GALNT13: variants seen among roughly 807,000 people sequenced by gnomAD.
GALNT13 encodes the protein polypeptide N-acetylgalactosaminyltransferase 13, also known as UDP-GalNAc:polypeptide N-acetylgalactosaminyltransferase 13.
GALNT13 carries 28 observed loss-of-function variants against 64.2 expected under a neutral mutation model. That is an observed-to-expected ratio of 0.44 (90% CI 0.32 to 0.60). The LOEUF (loss-of-function observed/expected upper bound fraction) is 0.60. Ranked by LOEUF, GALNT13 falls within the 20% of genes least tolerant of loss-of-function variation. The pLI, the probability that GALNT13 is intolerant of heterozygous loss-of-function variation, is 0.05. For synonymous variants in GALNT13, 214 were observed against 224.6 expected (o/e 0.95, Z 0.42); for missense variants, 577 against 669.8 (o/e 0.86, Z 1.53).
intron 2 of GALNT13, among the ~76,000 whole-genome samples, chr2:153,936,802 T>G (rs1054449918): frequency 6.6e-6 from 1 of 151,752 alleles, no homozygotes; most frequent in Non-Finnish European, 1.5e-5. Flanking sequence ...CTCACTGCCA[T>G]CTCCACCTCC....
At chr2:153,809,092 TTC>T in the GALNT13 span, among the ~76,000 whole-genome samples, 1 of 152,168 alleles carries the variant, frequency 6.6e-6, no homozygotes, top group Non-Finnish European at 1.5e-5. Flanking sequence ...CTCTCATATT[TTC>T]TCTCTCTCAA....
At chr2:153,479,778 T>C in the GALNT13 span, among the ~76,000 whole-genome samples, 1 of 152,214 alleles carries the variant, frequency 6.6e-6, no homozygotes, top group Non-Finnish European at 1.5e-5. Context: ...CAGATGTTTT[T>C]ATAGGCCTGA....
intron 4 of GALNT13, among the ~76,000 whole-genome samples, chr2:154,142,862 G>A (rs1262453211): frequency 6.6e-6 from 1 of 151,528 alleles, no homozygotes; most frequent in Admixed American, 6.6e-5. Flanking sequence ...ATATTTGTTT[G>A]TATATAGATA....
At chr2:153,989,964 A>G (rs546431807) in intron 3 of GALNT13, among the ~76,000 whole-genome samples, 13 of 152,238 alleles carry the variant, frequency 8.5e-5, no homozygotes, top group African/African-American at 3.1e-4. Context: ...AAAAGGATCA[A>G]CAACATATGA....
the GALNT13 span, among the ~76,000 whole-genome samples, chr2:153,671,476 A>C: frequency 1.3e-5 from 2 of 152,188 alleles, no homozygotes; most frequent in Non-Finnish European, 2.9e-5. Context: ...AGGAGAAATA[A>C]AATCCTTTAC....
At chr2:153,482,015 T>C in the GALNT13 span, among the ~76,000 whole-genome samples, 1 of 152,170 alleles carries the variant, frequency 6.6e-6, no homozygotes, top group Non-Finnish European at 1.5e-5. Context: ...GCAGATTCCA[T>C]AGCCAAAACA....
chr2:153,619,274 A>C, the GALNT13 span, among the ~76,000 whole-genome samples: 3 of 152,012 alleles, frequency 2.0e-5, no homozygotes. Context: ...ACCTAACACT[A>C]TTTGCTTAAA....
chr2:153,279,437 C>T, the GALNT13 span, among the ~76,000 whole-genome samples: 4 of 152,036 alleles, frequency 2.6e-5, no homozygotes, highest in African/African-American at 9.7e-5. Context: ...TGTCTTGTTC[C>T]AGTTCTCAAA....
the GALNT13 span, among the ~76,000 whole-genome samples, chr2:153,833,369 A>G: frequency 6.6e-6 from 1 of 152,142 alleles, no homozygotes; most frequent in African/African-American, 2.4e-5. Context: ...GAGGTTGCTA[A>G]GATCTACAGT....
chr2:153,422,899 C>A, the GALNT13 span, among the ~76,000 whole-genome samples: 1 of 151,700 alleles, frequency 6.6e-6, no homozygotes, highest in East Asian at 1.9e-4. Context: ...AAGAAAAAAA[C>A]ATGTATTTTA....
chr2:153,368,439 ATAAC>A, the GALNT13 span, among the ~76,000 whole-genome samples: 1 of 152,162 alleles, frequency 6.6e-6, no homozygotes, highest in African/African-American at 2.4e-5. Flanking sequence ...ACTGTGAGAA[ATAAC>A]TGTCTGTGTT....
At chr2:153,940,988 T>C (rs1232334679) in intron 2 of GALNT13, among the ~76,000 whole-genome samples, 1 of 152,158 alleles carries the variant, frequency 6.6e-6, no homozygotes, top group Non-Finnish European at 1.5e-5. Flanking sequence ...ACAAAAGCTT[T>C]TTTCTTCTTA....
the GALNT13 span, among the ~76,000 whole-genome samples, chr2:153,353,609 G>C: frequency 6.6e-6 from 1 of 152,016 alleles, no homozygotes; most frequent in Non-Finnish European, 1.5e-5. Context: ...CCTTTAACAA[G>C]TTGAAGAATT....
chr2:154,213,995 T>C (rs1325484740), intron 4 of GALNT13, among the ~76,000 whole-genome samples: 1 of 152,158 alleles, frequency 6.6e-6, no homozygotes, highest in Non-Finnish European at 1.5e-5. Flanking sequence ...ACATCAACTT[T>C]TCCAGATCTC....
At chr2:153,486,278 A>G in the GALNT13 span, among the ~76,000 whole-genome samples, 1 of 152,196 alleles carries the variant, frequency 6.6e-6, no homozygotes, top group African/African-American at 2.4e-5. Context: ...AGCTTCTAAA[A>G]TGTAGAGACT....
intron 3 of GALNT13, among the ~76,000 whole-genome samples, chr2:154,039,817 T>C (rs1698877033): frequency 7.1e-6 from 1 of 140,256 alleles, no homozygotes; most frequent in Admixed American, 7.2e-5. Context: ...GTGATGGATA[T>C]GCTAATTACC....
At chr2:153,417,477 T>A in the GALNT13 span, among the ~76,000 whole-genome samples, 3 of 152,170 alleles carry the variant, frequency 2.0e-5, no homozygotes, top group Admixed American at 2.0e-4. Flanking sequence ...GATATTGCCA[T>A]AATCCAGGCG....
intron 2 of GALNT13, among the ~76,000 whole-genome samples, chr2:153,941,573 C>T (rs939851195): frequency 2.6e-5 from 4 of 152,234 alleles, no homozygotes; most frequent in African/African-American, 9.6e-5. Flanking sequence ...AAACATAATA[C>T]AGATGCTGAT....
chr2:154,147,381 T>TATATATA (rs1683673748), intron 4 of GALNT13, among the ~76,000 whole-genome samples: 1 of 144,248 alleles, frequency 6.9e-6, no homozygotes, highest in African/African-American at 2.5e-5. Context: ...GAATGGAATT[T>TATATATA]TATATATATA....
Sources: gnomAD v4.1 joint callset for allele counts (sites outside exome capture counted in the v4.1 genomes callset) on GRCh38, gnomAD v4.1.1 for gene constraint, MANE v1.5 for transcripts, NCBI Gene and HGNC (gene_info 2026-07-23, HGNC 2026-07-21) for gene names.